Variants in PTPRM observed in about 807,000 individuals in gnomAD.
PTPRM encodes the protein receptor-type tyrosine-protein phosphatase mu.
PTPRM carries 47 observed loss-of-function variants against 186.7 expected under a neutral mutation model. The ratio of observed to expected loss-of-function variants is 0.25; its 90% CI spans 0.20 to 0.32. The LOEUF is 0.32. Among genes scored for constraint, PTPRM ranks in the 10% least tolerant of loss-of-function variants. The probability of loss-of-function intolerance (pLI) is 1.00; values close to 1 mark genes in which losing one functional copy is unlikely to be tolerated. For missense variants in PTPRM, 1,494 were observed against 1,865.0 expected, an observed-to-expected ratio of 0.80 and a Z score of 3.66; for synonymous variants, 668 against 674.9, an observed-to-expected ratio of 0.99 and a Z score of 0.16.
At chr18:8,053,723 A>G (rs1175456937) in intron 7 of PTPRM, among the ~76,000 whole-genome samples, 4 of 152,170 alleles carry the variant, frequency 2.6e-5, no homozygotes, top group Non-Finnish European at 5.9e-5. Context: ...TAGTGATTCT[A>G]TAGATTAGCT....
chr18:8,359,871 C>T (rs1034533318), intron 23 of PTPRM, among the ~76,000 whole-genome samples: 2 of 152,246 alleles, frequency 1.3e-5, no homozygotes, highest in African/African-American at 2.4e-5. Flanking sequence ...TCCCGTTTTG[C>T]GCACAGCAGG....
chr18:7,834,667 G>C (rs2145764270), intron 2 of PTPRM, among the ~76,000 whole-genome samples: 1 of 151,590 alleles, frequency 6.6e-6, no homozygotes, highest in East Asian at 2.0e-4. Flanking sequence ...TTTCAGAGTA[G>C]TTTGAGTAGG....
At chr18:7,997,665 A>G (rs901640462) in intron 7 of PTPRM, among the ~76,000 whole-genome samples, 2 of 152,144 alleles carry the variant, frequency 1.3e-5, no homozygotes, top group Non-Finnish European at 2.9e-5. Context: ...TATATGAGGA[A>G]CTCAAACAAC....
At chr18:7,592,713 G>A (rs2037158669) in intron 1 of PTPRM, among the ~76,000 whole-genome samples, 1 of 152,158 alleles carries the variant, frequency 6.6e-6, no homozygotes, top group South Asian at 2.1e-4. Flanking sequence ...ATTGGAGTGT[G>A]TGCTATAAAA....
At chr18:7,835,239 A>C (rs1317068838) in intron 2 of PTPRM, among the ~76,000 whole-genome samples, 8 of 146,848 alleles carry the variant, frequency 5.4e-5, no homozygotes, top group Non-Finnish European at 1.0e-4. Flanking sequence ...TTTCCTCTTA[A>C]TAGTGCTTTT....
At position 7,967,041 on chromosome 18, in the gene PTPRM, G is replaced by T. The variant is rs1226928047; in HGVS notation, c.1132+11627G>T. ...CAAAAAGACAGCAGTAACCTCTGCA[G>T]ACTTAAATGTCCCTGTCTGACAGCT... On this transcript the variant is annotated intron_variant, in intron 7 of 32. Coordinates refer to ENST00000580170, the MANE Select transcript of PTPRM (RefSeq NM_001105244.2). Among the ~76,000 whole-genome samples, 4 of 86,976 alleles carry T rather than the reference G, an allele frequency of 4.6e-5. 1 individual carries two copies. The highest frequency in any genetic ancestry group is 1.1e-4 in the Non-Finnish European group (4 of 35,778). The allele number at this position is 86,976 out of a possible 152,430, so 57.1% of individuals were successfully genotyped here.
intron 7 of PTPRM, among the ~76,000 whole-genome samples, chr18:7,966,749 G>T (rs540964038): frequency 2.8e-5 from 4 of 141,430 alleles, no homozygotes; most frequent in African/African-American, 9.9e-5. Flanking sequence ...TTTTCAGACC[G>T]GCTTAAAAAA....
chr18:8,114,823 A>C lies in PTPRM; in HGVS notation c.2163A>C (p.Thr721=), dbSNP rs757341391. Residue 721 remains threonine, a synonymous_variant, in exon 13 of 33, where the codon ACA becomes ACC. Coordinates refer to ENST00000580170, the MANE Select transcript of PTPRM (RefSeq NM_001105244.2). The stretch of plus-strand genomic sequence containing the variant: ...AAATAGACTGTGTCCAAGTGGCCAC[A>C]AAAGGTAGGTTGAAATTGTGGGATA... The part of the protein sequence containing the change: ...ETKIDCVQVA[T]KGAATPKPVP... 8.7e-6 allele frequency: 14 copies of C among 1,610,738 alleles called. No individual in the cohort carries two copies. The African/African-American group carries it at 1.9e-4, about 22-fold the overall frequency.
intron 4 of PTPRM, among the ~76,000 whole-genome samples, chr18:7,914,284 G>T (rs917115677): frequency 6.6e-6 from 1 of 152,032 alleles, no homozygotes; most frequent in Admixed American, 6.6e-5. Flanking sequence ...AGATAGAGTC[G>T]ACTTCTAAAA....
chr18:7,601,703 T>G (rs1316226289), intron 1 of PTPRM, among the ~76,000 whole-genome samples: 1 of 152,236 alleles, frequency 6.6e-6, no homozygotes, highest in East Asian at 1.9e-4. Context: ...ATTGATCATA[T>G]TTTAAAAGAC....
At chr18:7,700,727 A>G (rs1447068885) in intron 1 of PTPRM, among the ~76,000 whole-genome samples, 1 of 152,182 alleles carries the variant, frequency 6.6e-6, no homozygotes, top group Non-Finnish European at 1.5e-5. Context: ...GCAGTGGCTC[A>G]TGCCTGTAAT....
chr18:7,691,259 GA>G, intron 1 of PTPRM, among the ~76,000 whole-genome samples: 1 of 152,170 alleles, frequency 6.6e-6, no homozygotes, highest in Non-Finnish European at 1.5e-5. Flanking sequence ...GAACAGCATG[GA>G]AATTTGTGAG....
chr18:8,345,796 A>T (rs550938375), intron 23 of PTPRM, among the ~76,000 whole-genome samples: 174 of 152,238 alleles, frequency 1.1e-3, no homozygotes, highest in Admixed American at 3.9e-3. Flanking sequence ...GACTACAGTA[A>T]AAGGTAAAAT....
intron 20 of PTPRM, among the ~76,000 whole-genome samples, chr18:8,297,867 G>A (rs538985106): frequency 6.1e-4 from 93 of 152,312 alleles, no homozygotes; most frequent in Admixed American, 2.6e-3. Flanking sequence ...GTTTTAGAGC[G>A]TGCTGTATTT....
At chr18:8,399,069 G>A (rs1331618574) in intron 32 of PTPRM, among the ~76,000 whole-genome samples, 1 of 152,184 alleles carries the variant, frequency 6.6e-6, no homozygotes. Flanking sequence ...GCTTGTATTA[G>A]TGACCCTAGA....
intron 1 of PTPRM, among the ~76,000 whole-genome samples, chr18:7,730,650 A>G (rs147282925): frequency 1.5e-3 from 222 of 152,332 alleles, no homozygotes; most frequent in African/African-American, 5.0e-3. Context: ...AACATGAAGT[A>G]TGAAATTTCT....
chr18:7,919,076 C>A (rs996891460), intron 4 of PTPRM, among the ~76,000 whole-genome samples: 4 of 152,120 alleles, frequency 2.6e-5, no homozygotes, highest in Admixed American at 2.6e-4. Context: ...ATACTCTTAG[C>A]ACCTTTGTCA....
At chr18:8,210,437 C>G (rs1277890154) in intron 14 of PTPRM, among the ~76,000 whole-genome samples, 4 of 152,190 alleles carry the variant, frequency 2.6e-5, no homozygotes, top group Non-Finnish European at 5.9e-5. Flanking sequence ...CAAGGAACAT[C>G]TGGGCCACCA....
chr18:8,291,004 C>T (rs891806675), intron 19 of PTPRM, among the ~76,000 whole-genome samples: 1 of 152,090 alleles, frequency 6.6e-6, no homozygotes, highest in East Asian at 1.9e-4. Flanking sequence ...AAAATCCCAC[C>T]TATAAAACTT....
Sources: allele counts gnomAD v4.1 joint callset (sites outside exome capture counted in the v4.1 genomes callset), GRCh38; gene constraint gnomAD v4.1.1; transcripts MANE v1.5; gene names NCBI Gene and HGNC (gene_info 2026-07-23, HGNC 2026-07-21).